Variants in COL21A1 observed in about 807,000 individuals in gnomAD.
COL21A1 encodes the protein collagen alpha-1(XXI) chain.
In COL21A1, 149 loss-of-function variants were observed where a neutral mutation model predicts 137.9. The observed-to-expected ratio is 1.08, with a 90% CI of 0.95 to 1.24. The LOEUF (loss-of-function observed/expected upper bound fraction) is 1.24. COL21A1 is among the 50% of genes most tolerant of loss of function. The probability of loss-of-function intolerance (pLI) is 0.00; values close to 1 mark genes in which losing one functional copy is unlikely to be tolerated. For synonymous variants in COL21A1, 456 were observed against 391.5 expected (o/e 1.16, Z -1.95); for missense variants, 1,167 against 1,158.4 (o/e 1.01, Z -0.11).
chr6:56,175,684 T>A (rs1234689486), intron 3 of COL21A1, among the ~76,000 whole-genome samples: 2 of 152,098 alleles, frequency 1.3e-5, no homozygotes, highest in African/African-American at 4.8e-5. Flanking sequence ...TAGACAATAT[T>A]ATTTAAAAAG....
chr6:56,077,662 G>A, intron 17 of COL21A1, 89 bp from the exon 18 acceptor site: 1 of 709,202 alleles, frequency 1.4e-6, no homozygotes, highest in Non-Finnish European at 2.3e-6. Flanking sequence ...AATTTTAACT[G>A]GTAAATAACA....
intron 1 of COL21A1, among the ~76,000 whole-genome samples, chr6:56,325,019 A>G (rs1764972651): frequency 6.6e-6 from 1 of 151,148 alleles, no homozygotes; most frequent in Admixed American, 6.7e-5. Context: ...GTTTATTACC[A>G]TTAGATCATA....
intron 1 of COL21A1, among the ~76,000 whole-genome samples, chr6:56,222,652 C>A (rs765187170): frequency 3.3e-5 from 5 of 152,052 alleles, no homozygotes; most frequent in Non-Finnish European, 5.9e-5. Context: ...GAAAATACAT[C>A]TGGTTACATT....
intron 1 of COL21A1, among the ~76,000 whole-genome samples, chr6:56,349,017 C>A (rs1486053743): frequency 6.6e-6 from 1 of 152,142 alleles, no homozygotes; most frequent in Non-Finnish European, 1.5e-5. Flanking sequence ...TCACTTAGGA[C>A]AGAACACTGA....
chr6:56,125,465 A>G, intron 14 of COL21A1, 102 bp downstream of exon 14: 1 of 760,052 alleles, frequency 1.3e-6, no homozygotes, highest in Non-Finnish European at 2.2e-6. Context: ...GGGTGAACAG[A>G]GCTAACTGTT....
rs547389843 is a variant in COL21A1, at chr6:56,302,827, T to G, written c.-39+91144A>C. Among the ~76,000 whole-genome samples the G allele has an allele frequency of 7.2e-4, 109 of 152,208 alleles. 1 individual carries two copies. Among genetic ancestry groups the G allele is most frequent in the African/African-American group, 2.6e-3 (107 of 41,536 alleles). On this transcript the variant is annotated intron_variant, in intron 1 of 28. Coordinates refer to the COL21A1 transcript ENST00000370819. Reference sequence around the variant, plus strand: ...CCCACACCTATGTCCTGAATGGTATTGCCTAGGTTTTCTTCTAGGGTTTTT... The same window carrying G: ...CCCACACCTATGTCCTGAATGGTATGGCCTAGGTTTTCTTCTAGGGTTTTT...
chr6:56,282,733 A>T (rs1763811321), intron 1 of COL21A1, among the ~76,000 whole-genome samples: 1 of 145,002 alleles, frequency 6.9e-6, no homozygotes, highest in Non-Finnish European at 1.5e-5. Flanking sequence ...AGTCAATTGT[A>T]ATCATCTTGC....
chr6:56,088,694 A>T (rs969036922), intron 17 of COL21A1, among the ~76,000 whole-genome samples: 1 of 152,146 alleles, frequency 6.6e-6, no homozygotes, highest in Non-Finnish European at 1.5e-5. Flanking sequence ...AGCACTTCCA[A>T]AATCACTAGT....
At chr6:56,157,605 G>T (rs55983353) in intron 9 of COL21A1, among the ~76,000 whole-genome samples, 1,727 of 152,140 alleles carry the variant, frequency 0.011, 27 homozygotes, top group African/African-American at 0.04. Flanking sequence ...CCAGCCTATA[G>T]ACTTAATTAT....
At position 56,200,200 on chromosome 6, in the gene COL21A1, G is replaced by A. The variant is rs551623664; in HGVS notation, c.-38-17544C>T. On this transcript the variant is annotated intron_variant, in intron 1 of 29. Coordinates refer to ENST00000244728, the MANE Select transcript of COL21A1 (RefSeq NM_030820.4). ...AAGACGAAGAATGACAGGGACTAAA[G>A]TAAAGTAGCATGATTCACAAGCATT... 5.3e-5 allele frequency among the ~76,000 whole-genome samples: 8 copies of A among 152,294 alleles called. No homozygotes were observed. In the East Asian group the frequency reaches 1.3e-3, roughly 26 times the overall value.
intron 1 of COL21A1, among the ~76,000 whole-genome samples, chr6:56,226,942 AG>A (rs1781240751): frequency 6.6e-6 from 1 of 151,920 alleles, no homozygotes; most frequent in Non-Finnish European, 1.5e-5. Flanking sequence ...TGGCTCGTAT[AG>A]GGGGAGCCCA....
chr6:56,298,385 A>C (rs1456109952), intron 1 of COL21A1, among the ~76,000 whole-genome samples: 2 of 152,062 alleles, frequency 1.3e-5, no homozygotes, highest in African/African-American at 4.8e-5. Context: ...GGCAGTTGCA[A>C]ACTTGGGGTG....
chr6:56,149,405 G>A (rs1775106305), intron 10 of COL21A1, among the ~76,000 whole-genome samples: 1 of 152,008 alleles, frequency 6.6e-6, no homozygotes, highest in Admixed American at 6.5e-5. Context: ...ACCATATATA[G>A]CAAAGAATTA....
chr6:56,257,122 C>T (rs909370376), intron 1 of COL21A1, among the ~76,000 whole-genome samples: 1 of 152,044 alleles, frequency 6.6e-6, no homozygotes, highest in East Asian at 1.9e-4. Flanking sequence ...AAATGTAGTG[C>T]TGTGTTGAAA....
At chr6:56,289,260 T>A (rs1375733610) in intron 1 of COL21A1, among the ~76,000 whole-genome samples, 1 of 152,216 alleles carries the variant, frequency 6.6e-6, no homozygotes, top group Non-Finnish European at 1.5e-5. Flanking sequence ...GATAAACATG[T>A]CAGCTTTCTC....
intron 1 of COL21A1, among the ~76,000 whole-genome samples, chr6:56,252,907 C>T (rs72877936): frequency 0.012 from 1,758 of 152,294 alleles, 18 homozygotes; most frequent in Non-Finnish European, 0.019. Context: ...CAGGGGCCAC[C>T]TCTATCTCCT....
rs1259255842 is a variant in COL21A1 at position 56,210,880 on chromosome 6, T to C, written c.-38-28224A>G. On this transcript the variant is annotated intron_variant, in intron 1 of 29. Transcript: ENST00000244728. ...CTTAAGAGGCATCAATTACATGCAG[T>C]TGTGGACTTTGTTGAGATCCTAATT... Among the ~76,000 whole-genome samples the C allele has an allele frequency of 2.0e-5, 3 of 152,098 alleles. No homozygotes were observed. The East Asian group carries it at 5.8e-4, about 29-fold the overall frequency.
chr6:56,225,116 C>T (rs1260157805), intron 1 of COL21A1, among the ~76,000 whole-genome samples: 1 of 152,072 alleles, frequency 6.6e-6, no homozygotes, highest in Non-Finnish European at 1.5e-5. Context: ...AGTTTAAACA[C>T]CACTGACTCC....
At chr6:56,208,006 T>G (rs1779902271) in intron 1 of COL21A1, among the ~76,000 whole-genome samples, 1 of 152,102 alleles carries the variant, frequency 6.6e-6, no homozygotes, top group African/African-American at 2.4e-5. Flanking sequence ...AAACTCTCCA[T>G]AAGCTAGGTA....
Sources: allele counts gnomAD v4.1 joint callset (sites outside exome capture counted in the v4.1 genomes callset), GRCh38; gene constraint gnomAD v4.1.1; transcripts MANE v1.5; gene names NCBI Gene and HGNC (gene_info 2026-07-23, HGNC 2026-07-21).